The following IFNLR1 variants were observed in gnomAD, a reference collection of about 807,000 sequenced individuals.
The protein encoded by IFNLR1 is interferon lambda receptor 1.
Under a neutral mutation model 52.5 loss-of-function variants are expected in IFNLR1, and 28 were observed. The observed-to-expected ratio is 0.53, with a 90% CI of 0.40 to 0.73. The LOEUF (loss-of-function observed/expected upper bound fraction) is 0.73. Among genes scored for constraint, IFNLR1 ranks in the 30% least tolerant of loss-of-function variants. The pLI is 0.00. For missense variants in IFNLR1, 623 were observed against 659.1 expected (o/e 0.95, Z 0.60); for synonymous variants, 276 against 274.9 (o/e 1.00, Z -0.04).
At chr1:24,163,051 C>T (rs1357566246) in intron 3 of IFNLR1, among the ~76,000 whole-genome samples, 10 of 148,818 alleles carry the variant, frequency 6.7e-5, no homozygotes, top group Non-Finnish European at 1.5e-4. Context: ...ACCTCTGCCT[C>T]CCGGATTCAT....
chr1:24,159,697 C>T (rs1644420663), intron 4 of IFNLR1, 64 bp from the exon 5 acceptor site: 2 of 1,373,656 alleles, frequency 1.5e-6, no homozygotes, highest in Admixed American at 3.8e-5. Flanking sequence ...ACAGCCAGGA[C>T]AGAGTGGGGT....
intron 1 of IFNLR1, among the ~76,000 whole-genome samples, chr1:24,181,544 C>G (rs1644690813): frequency 6.6e-6 from 1 of 152,234 alleles, no homozygotes; most frequent in African/African-American, 2.4e-5. Flanking sequence ...CTCTCACTTT[C>G]TTTTTGCCTG....
At chr1:24,183,358 G>C (rs1055219987) in intron 1 of IFNLR1, among the ~76,000 whole-genome samples, 17 of 151,872 alleles carry the variant, frequency 1.1e-4, no homozygotes, top group African/African-American at 3.6e-4. Flanking sequence ...AGCACTTTGG[G>C]ACATCGAGGC....
intron 2 of IFNLR1, among the ~76,000 whole-genome samples, chr1:24,177,225 G>T (rs1644641540): frequency 6.6e-6 from 1 of 152,106 alleles, no homozygotes; most frequent in South Asian, 2.1e-4. Context: ...ATATGAAAGG[G>T]AGTTTATTAA....
chr1:24,169,745 C>G (rs1453362462), intron 2 of IFNLR1, 144 bp from the exon 3 acceptor site: 2 of 816,956 alleles, frequency 2.4e-6, no homozygotes, highest in African/African-American at 3.5e-5. Flanking sequence ...CTGGCTGAGA[C>G]AGGATAAGAA....
rs72650404 is a variant in IFNLR1 at position 24,171,493 on chromosome 1, A to T, written c.183-1892T>A. On this transcript the variant is annotated intron_variant, in intron 2 of 6. Coordinates refer to ENST00000327535, the MANE Select transcript of IFNLR1 (RefSeq NM_170743.4). ...TAAAGGAAGTTTGAAAATTTAAAAAAATATATATTTTTTGAGACAGCGTCT... is the reference window on the plus strand; with the variant it reads ...TAAAGGAAGTTTGAAAATTTAAAAATATATATATTTTTTGAGACAGCGTCT... Among the ~76,000 whole-genome samples the T allele has an allele frequency of 8.2e-3, 1,244 of 152,288 alleles. 15 individuals carry two copies. The highest frequency in any genetic ancestry group is 0.026 in the East Asian group (137 of 5,184).
chr1:24,162,889 TTCCTTCCTTCCTTC>T (rs1385976985), intron 3 of IFNLR1, among the ~76,000 whole-genome samples: 1 of 64,814 alleles, frequency 1.5e-5, no homozygotes. Context: ...CCTTCCTTCC[TTCCTTCCTTCCTTC>T]CTTCCTTCCT....
At chr1:24,177,911 G>A (rs1298709764) in intron 2 of IFNLR1, among the ~76,000 whole-genome samples, 1 of 152,176 alleles carries the variant, frequency 6.6e-6, no homozygotes, top group Non-Finnish European at 1.5e-5. Context: ...ATGTACCATA[G>A]AAGTCAGGTA....
At chr1:24,159,398 T>C (rs531320628) in intron 5 of IFNLR1, 76 bp downstream of exon 5, 3 of 1,422,816 alleles carry the variant, frequency 2.1e-6, no homozygotes, top group East Asian at 4.5e-5. Context: ...TCTAGGCTCA[T>C]GTTCTTAACC....
chr1:24,162,697 TTTTCTTTTCTTTTCTTTCTTTC>T (rs1335270996), intron 3 of IFNLR1, among the ~76,000 whole-genome samples: 5 of 53,950 alleles, frequency 9.3e-5, no homozygotes, highest in African/African-American at 3.1e-4. Context: ...CAGAACTCAC[TTTTCTTTTCTTTTCTTTCTTTC>T]TTTCTTTTCT....
At chr1:24,161,518 G>A in intron 4 of IFNLR1, 24 bp downstream of exon 4, 4 of 1,553,508 alleles carry the variant, frequency 2.6e-6, no homozygotes, top group Non-Finnish European at 3.5e-6. Context: ...GGCCTAGCCT[G>A]GGGGCAGGAA....
At chr1:24,169,679 G>GCTTC (rs1440845663) in intron 2 of IFNLR1, 78 bp from the exon 3 acceptor site, 1 of 1,432,802 alleles carries the variant, frequency 7.0e-7, no homozygotes, top group African/African-American at 1.4e-5. Context: ...AGTTGATCAT[G>GCTTC]CTTCCCTCTG....
intron 2 of IFNLR1, among the ~76,000 whole-genome samples, chr1:24,178,847 T>A (rs1644660158): frequency 6.6e-6 from 1 of 152,114 alleles, no homozygotes; most frequent in Admixed American, 6.5e-5. Flanking sequence ...CATCTCTTTA[T>A]AAAATAATTC....
chr1:24,159,737 GTT>G (rs79165037), intron 4 of IFNLR1, 104 bp from the exon 5 acceptor site: 101 of 458,042 alleles, frequency 2.2e-4, no homozygotes, highest in Non-Finnish European at 2.8e-4. Flanking sequence ...TTTTTTTTTT[GTT>G]TTTTTTTTTT....
intron 2 of IFNLR1, 63 bp downstream of exon 2, chr1:24,180,668 C>G: frequency 8.1e-7 from 1 of 1,238,452 alleles, no homozygotes; most frequent in South Asian, 1.3e-5. Context: ...CCCAGAGAAG[C>G]CCCTCCAGCC....
chr1:24,181,866 G>A (rs1644694091), intron 1 of IFNLR1, among the ~76,000 whole-genome samples: 1 of 152,146 alleles, frequency 6.6e-6, no homozygotes, highest in Admixed American at 6.5e-5. Flanking sequence ...CCCAGCCATG[G>A]GTTAGACAGC....
Position 24,169,298 on chromosome 1 carries a change from G to A in IFNLR1, c.367+119C>T, listed in dbSNP as rs74480198. ...CTCAAAGGGCCTGGCCCAGGGAGCT[G>A]CCCTCTGCTTTGGGGAAGTGGGAGA... On this transcript the variant is annotated intron_variant, in intron 3 of 6. Coordinates refer to ENST00000327535, the MANE Select transcript of IFNLR1 (RefSeq NM_170743.4). 5 of 926,764 alleles carry A rather than the reference G, an allele frequency of 5.4e-6. No individual in the cohort carries two copies. In the East Asian group the frequency reaches 1.3e-4, roughly 24 times the overall value. 57.4% of individuals were successfully genotyped at this position (926,764 alleles called of 1,614,324 possible). A position where few individuals can be genotyped will look rare whatever the true frequency, so the allele number is the denominator to read the frequency against.
intron 2 of IFNLR1, 60 bp downstream of exon 2, chr1:24,180,671 C>CAA: frequency 2.1e-5 from 26 of 1,249,086 alleles, no homozygotes; most frequent in East Asian, 2.5e-5. Context: ...AGAGAAGCCC[C>CAA]TCCAGCCCCC....
At chr1:24,170,873 A>T (rs1644571963) in intron 2 of IFNLR1, among the ~76,000 whole-genome samples, 2 of 152,224 alleles carry the variant, frequency 1.3e-5, no homozygotes, top group Non-Finnish European at 2.9e-5. Flanking sequence ...GTGACCAAGG[A>T]TGAATGGAGA....
Sources: allele counts gnomAD v4.1 joint callset (sites outside exome capture counted in the v4.1 genomes callset), GRCh38; gene constraint gnomAD v4.1.1; transcripts MANE v1.5; gene names NCBI Gene and HGNC (gene_info 2026-07-23, HGNC 2026-07-21).